Variants in SULT4A1 observed in about 807,000 individuals in gnomAD.
SULT4A1 encodes the protein sulfotransferase 4A1.
SULT4A1 carries 11 observed loss-of-function variants against 35.2 expected under a neutral mutation model. The observed-to-expected ratio is 0.31, with a 90% CI of 0.20 to 0.52. The LOEUF (loss-of-function observed/expected upper bound fraction) is 0.52. SULT4A1 is among the 20% of genes least tolerant of loss of function. The pLI is 0.97. For missense variants in SULT4A1, 271 were observed against 383.7 expected, an observed-to-expected ratio of 0.71 and a Z score of 2.45; for synonymous variants, 152 against 151.8, an observed-to-expected ratio of 1.00 and a Z score of -0.01.
intron 1 of SULT4A1, among the ~76,000 whole-genome samples, chr22:43,858,066 A>G (rs2049422988): frequency 6.7e-6 from 1 of 149,722 alleles, no homozygotes; most frequent in Non-Finnish European, 1.5e-5. Flanking sequence ...AAAAAAAAAA[A>G]AGGAAAGAAA....
intron 1 of SULT4A1, among the ~76,000 whole-genome samples, chr22:43,853,156 C>G (rs919503616): frequency 6.6e-6 from 1 of 151,880 alleles, no homozygotes; most frequent in African/African-American, 2.4e-5. Context: ...CACACACAAA[C>G]ACACAACACA....
intron 4 of SULT4A1, among the ~76,000 whole-genome samples, chr22:43,836,572 C>A (rs7288711): frequency 3.0e-5 from 3 of 98,526 alleles, no homozygotes; most frequent in African/African-American, 9.3e-5. Flanking sequence ...CAGCGTCCTC[C>A]AACTGCAGGT....
chr22:43,838,792 C>A (rs1457675456), intron 4 of SULT4A1, 75 bp downstream of exon 4: 37 of 1,591,380 alleles, frequency 2.3e-5, no homozygotes, highest in Non-Finnish European at 3.1e-5. Flanking sequence ...GTCGGGGAAG[C>A]ACCCAGCACC....
At chr22:43,848,362 G>A (rs992041553) in intron 1 of SULT4A1, among the ~76,000 whole-genome samples, 8 of 152,330 alleles carry the variant, frequency 5.3e-5, no homozygotes, top group Admixed American at 1.3e-4. Context: ...GCCTGCTCCC[G>A]TGCAAGGACA....
intron 1 of SULT4A1, among the ~76,000 whole-genome samples, chr22:43,849,919 C>T (rs941403333): frequency 2.0e-5 from 3 of 152,326 alleles, no homozygotes; most frequent in Non-Finnish European, 1.5e-5. Context: ...GGTGCTGCTG[C>T]GGGGCTGGTA....
chr22:43,858,144 C>T (rs1352188113), intron 1 of SULT4A1, among the ~76,000 whole-genome samples: 3 of 151,550 alleles, frequency 2.0e-5, no homozygotes, highest in Non-Finnish European at 4.4e-5. Flanking sequence ...AATCCCAGTA[C>T]TTTGGGAGGC....
At chr22:43,830,580 A>G (rs1603404062) in intron 5 of SULT4A1, among the ~76,000 whole-genome samples, 1 of 152,228 alleles carries the variant, frequency 6.6e-6, no homozygotes, top group East Asian at 1.9e-4. Flanking sequence ...GAGGCCGCAC[A>G]CCACGGCACG....
At chr22:43,826,253 G>A in intron 6 of SULT4A1, 140 bp from the exon 7 acceptor site, 10 of 1,461,192 alleles carry the variant, frequency 6.8e-6, no homozygotes, top group Non-Finnish European at 8.1e-6. Flanking sequence ...GGGCAGGAAG[G>A]GCCGTCTGAG....
intron 1 of SULT4A1, among the ~76,000 whole-genome samples, chr22:43,847,853 A>G (rs533180303): frequency 6.6e-6 from 1 of 152,330 alleles, no homozygotes; most frequent in South Asian, 2.1e-4. Flanking sequence ...TCACTGTTTT[A>G]GTTTCCTGGG....
intron 5 of SULT4A1, 130 bp downstream of exon 5, chr22:43,833,510 G>GC: frequency 1.3e-5 from 1 of 74,798 alleles, no homozygotes; most frequent in Non-Finnish European, 2.6e-5. Flanking sequence ...AGACTGTCCC[G>GC]CCCCCTCCTC....
intron 1 of SULT4A1, among the ~76,000 whole-genome samples, chr22:43,850,525 G>A (rs185590276): frequency 6.6e-6 from 1 of 152,212 alleles, no homozygotes; most frequent in East Asian, 1.9e-4. Context: ...ACTCTAACAA[G>A]CCTCAACGTG....
At chr22:43,826,366 C>T (rs2063286785) in intron 6 of SULT4A1, 2 of 985,296 alleles carry the variant, frequency 2.0e-6, no homozygotes, top group Non-Finnish European at 2.4e-6. Context: ...GAGCCACAAC[C>T]ACCTCCTGGT....
intron 1 of SULT4A1, among the ~76,000 whole-genome samples, chr22:43,861,003 G>C (rs560843778): frequency 4.0e-4 from 61 of 152,158 alleles, no homozygotes; most frequent in Non-Finnish European, 7.4e-4. Flanking sequence ...AACAGCGATA[G>C]AGCACTTGGC....
At chr22:43,842,277 G>A (rs1213229188) in intron 1 of SULT4A1, among the ~76,000 whole-genome samples, 1 of 152,174 alleles carries the variant, frequency 6.6e-6, no homozygotes, top group African/African-American at 2.4e-5. Context: ...AGTTTACGCA[G>A]GAATGATGGG....
intron 1 of SULT4A1, among the ~76,000 whole-genome samples, chr22:43,851,903 A>G (rs2049345708): frequency 6.6e-6 from 1 of 151,954 alleles, no homozygotes; most frequent in South Asian, 2.1e-4. Flanking sequence ...CACCCTCACG[A>G]CTGCGGCATT....
At chr22:43,833,593 G>T in intron 5 of SULT4A1, 47 bp downstream of exon 5, 1 of 1,514,658 alleles carries the variant, frequency 6.6e-7, no homozygotes, top group African/African-American at 1.4e-5. Flanking sequence ...GAGCTGCCAG[G>T]CCGAGGGCCA....
intron 1 of SULT4A1, among the ~76,000 whole-genome samples, chr22:43,846,248 G>C (rs1393921626): frequency 1.3e-5 from 2 of 152,186 alleles, no homozygotes; most frequent in Non-Finnish European, 2.9e-5. Flanking sequence ...CTCAGATGCC[G>C]CTCAGTCAGC....
rs372167154 is a variant in SULT4A1 at position 43,842,076 on chromosome 22, G to A, written c.170-144C>T. ...CGACTGAGTCTGGGAAGAGGAGCGCGCCCCGCACGGTCTCAGCCTGAATCC... is the reference window on the plus strand; with the variant it reads ...CGACTGAGTCTGGGAAGAGGAGCGCACCCCGCACGGTCTCAGCCTGAATCC... On this transcript the variant is annotated intron_variant, in intron 1 of 6. Coordinates refer to ENST00000330884, the MANE Select transcript of SULT4A1 (RefSeq NM_014351.4). 1.4e-4 allele frequency: 186 copies of A among 1,304,392 alleles called. 2 individuals are homozygous for A. The highest frequency in any genetic ancestry group is 1.0e-3 in the East Asian group (41 of 39,090). The allele number at this position is 1,304,392 out of a possible 1,614,324, so 80.8% of individuals were successfully genotyped here.
intron 1 of SULT4A1, among the ~76,000 whole-genome samples, chr22:43,856,175 C>G (rs1475788451): frequency 6.6e-6 from 1 of 152,198 alleles, no homozygotes; most frequent in African/African-American, 2.4e-5. Context: ...AAAAGAAAAA[C>G]ATCCTACTTG....
Sources: gnomAD v4.1 joint callset for allele counts (sites outside exome capture counted in the v4.1 genomes callset) on GRCh38, gnomAD v4.1.1 for gene constraint, MANE v1.5 for transcripts, NCBI Gene and HGNC (gene_info 2026-07-23, HGNC 2026-07-21) for gene names.